The following PDXDC1 variants were observed in gnomAD, a reference collection of about 807,000 sequenced individuals.
PDXDC1 encodes the protein pyridoxal-dependent decarboxylase domain-containing protein 1.
A neutral mutation model predicts 100.1 loss-of-function variants in PDXDC1; 42 were observed. The observed-to-expected ratio is 0.42, with a 90% CI of 0.33 to 0.54. PDXDC1 has a LOEUF of 0.54. Ranked by LOEUF, PDXDC1 falls within the 20% of genes least tolerant of loss-of-function variation. The pLI is 0.10. For missense variants in PDXDC1, 636 were observed against 979.2 expected (o/e 0.65, Z 4.68); for synonymous variants, 260 against 371.7 (o/e 0.70, Z 3.46).
the PDXDC1 span, among the ~76,000 whole-genome samples, chr16:15,146,435 G>T: frequency 1.3e-5 from 2 of 152,154 alleles, no homozygotes; most frequent in East Asian, 3.8e-4. Flanking sequence ...AACAAAAGGA[G>T]TGAGGACGAT....
chr16:15,050,222 ACT>A (rs1313632500), intron 16 of PDXDC1, among the ~76,000 whole-genome samples: 1 of 152,242 alleles, frequency 6.6e-6, no homozygotes, highest in Non-Finnish European at 1.5e-5. Context: ...TTTAACAAAA[ACT>A]TTTTCAAAAT....
At position 15,110,949 on chromosome 16, in the gene PDXDC1, T is replaced by C. The variant is rs1396629011; in HGVS notation, c.1400-27930T>C. On this transcript the variant is annotated intron_variant, in intron 16 of 16. Coordinates refer to the PDXDC1 transcript ENST00000535621. ...TTCAAGACCAGCCTGGCCAAGATGG[T>C]GAAACCCCATCTCTACTAAAAATAC... 7.0e-6 allele frequency: 5 copies of C among 714,786 alleles called. No homozygotes were observed. The African/African-American group carries it at 9.2e-5, about 13-fold the overall frequency. 44.3% of individuals were successfully genotyped at this position (714,786 alleles called of 1,614,324 possible).
intron 16 of PDXDC1, chr16:15,047,366 A>G: frequency 1.0e-6 from 1 of 963,954 alleles, no homozygotes; most frequent in Non-Finnish European, 1.7e-6. Flanking sequence ...TGTTCCCCTA[A>G]CAGCTTCCAC....
the PDXDC1 span, among the ~76,000 whole-genome samples, chr16:15,152,717 A>AGGCAGG: frequency 1.9e-4 from 5 of 26,298 alleles, 1 homozygote; most frequent in African/African-American, 2.2e-4. Context: ...GGACAACACA[A>AGGCAGG]GGCAGGGGCG....
Position 15,036,302 on chromosome 16 carries a change from CTGAG to C in PDXDC1, c.*29_*32del. 1 of 1,582,398 alleles carries C rather than the reference CTGAG, an allele frequency of 6.3e-7. No individual in the cohort carries two copies. On this transcript the variant is annotated 3_prime_UTR_variant, in exon 23 of 23. Transcript: ENST00000396410. The stretch of plus-strand genomic sequence containing the variant: ...ACTCATTGTGTGGTTTGAGACTGTA[CTGAG>C]TATTGTTTCAGGGAAGATGAAGTTC...
chr16:15,098,496 T>A (rs1331342966), intron 16 of PDXDC1, among the ~76,000 whole-genome samples: 1 of 152,102 alleles, frequency 6.6e-6, no homozygotes, highest in Non-Finnish European at 1.5e-5. Flanking sequence ...CCATCGTGTC[T>A]GGCTACTATT....
chr16:15,110,971 A>C (rs1326675405), intron 16 of PDXDC1: 18 of 662,240 alleles, frequency 2.7e-5, no homozygotes, highest in Middle Eastern at 8.3e-4. Flanking sequence ...TCTACTAAAA[A>C]TACAAAAATT....
chr16:15,100,530 G>C (rs1376994704), intron 16 of PDXDC1, among the ~76,000 whole-genome samples: 1 of 152,186 alleles, frequency 6.6e-6, no homozygotes, highest in Non-Finnish European at 1.5e-5. Context: ...GGAGGAGGCT[G>C]TTCTGTGAAC....
Position 15,125,575 on chromosome 16 carries a change from T to A in PDXDC1, c.1400-13304T>A, listed in dbSNP as rs1418188868. The A allele has an allele frequency of 6.6e-6, 10 of 1,521,388 alleles. No homozygotes were observed. The Admixed American group carries it at 1.5e-4, about 23-fold the overall frequency. 94.2% of individuals were successfully genotyped at this position (1,521,388 alleles called of 1,614,324 possible). ...CCTCTTAGAATCATCCAGAAACAAGTCACTCTTCACCTGTCCAGCAAAGGC... is the reference window on the plus strand; with the variant it reads ...CCTCTTAGAATCATCCAGAAACAAGACACTCTTCACCTGTCCAGCAAAGGC... On this transcript the variant is annotated intron_variant, in intron 16 of 16. Coordinates refer to the PDXDC1 transcript ENST00000535621.
At position 15,131,526 on chromosome 16, in the gene PDXDC1, G is replaced by A. The variant is rs9939643; in HGVS notation, c.1400-7353G>A. On this transcript the variant is annotated intron_variant, in intron 16 of 16. Transcript: ENST00000535621. ...GGTCCGAGCGCTTGCCCTGGGCCAC[G>A]ATCTCCTCGCCCGCCAGTGTCAGGG... 69 of 1,608,884 alleles carry A rather than the reference G, an allele frequency of 4.3e-5. 1 individual carries two copies. Among genetic ancestry groups the A allele is most frequent in the Non-Finnish European group, 5.4e-5 (64 of 1,179,066 alleles).
chr16:15,143,010 G>A (rs547679314), downstream of PDXDC1, among the ~76,000 whole-genome samples: 1 of 152,288 alleles, frequency 6.6e-6, no homozygotes, highest in South Asian at 2.1e-4. Context: ...CAGGTGCACA[G>A]GGACAGCCTG....
At chr16:15,104,794 T>C (rs1598091908) in intron 16 of PDXDC1, 18 of 1,565,378 alleles carry the variant, frequency 1.1e-5, no homozygotes, top group Non-Finnish European at 1.4e-5. Flanking sequence ...TTCACACATA[T>C]TCATTTGATG....
intron 1 of PDXDC1, among the ~76,000 whole-genome samples, chr16:14,983,572 CAAAAAAAAAAAA>C (rs56258905): frequency 8.5e-3 from 753 of 88,444 alleles, no homozygotes; most frequent in Non-Finnish European, 0.011. Context: ...GACTCCGTCT[CAAAAAAAAAAAA>C]AAAAAAAAAA....
chr16:15,063,704 CAAAAAAAA>C (rs10664930), intron 16 of PDXDC1, among the ~76,000 whole-genome samples: 1 of 89,130 alleles, frequency 1.1e-5, no homozygotes. Context: ...GACTCTGTCT[CAAAAAAAA>C]AAAAAAAAAA....
At chr16:15,053,681 C>A (rs1220572538) in intron 16 of PDXDC1, among the ~76,000 whole-genome samples, 1 of 151,994 alleles carries the variant, frequency 6.6e-6, no homozygotes, top group Non-Finnish European at 1.5e-5. Context: ...GAGGCCGAGA[C>A]GGGCAGATCA....
intron 16 of PDXDC1, among the ~76,000 whole-genome samples, chr16:15,081,007 A>G (rs2151802224): frequency 6.6e-6 from 1 of 152,304 alleles, no homozygotes; most frequent in African/African-American, 2.4e-5. Flanking sequence ...GGAGTCATAT[A>G]ATACACAGTC....
intron 16 of PDXDC1, among the ~76,000 whole-genome samples, chr16:15,102,072 G>T (rs555473076): frequency 1.3e-4 from 20 of 152,222 alleles, no homozygotes; most frequent in African/African-American, 2.6e-4. Flanking sequence ...GCTCTTGAAC[G>T]CCTGACCTTG....
At chr16:15,092,936 G>C (rs2151830216) in intron 16 of PDXDC1, among the ~76,000 whole-genome samples, 1 of 152,052 alleles carries the variant, frequency 6.6e-6, no homozygotes, top group South Asian at 2.1e-4. Flanking sequence ...CTTCAAACAA[G>C]CCAAGCTGTT....
At chr16:15,044,552 G>C (rs779944397) in intron 16 of PDXDC1, 23 of 654,190 alleles carry the variant, frequency 3.5e-5, no homozygotes, top group Non-Finnish European at 6.0e-5. Context: ...GCAAAAGAAA[G>C]TATCGGCAGC....
Sources: gnomAD v4.1 joint callset for allele counts (sites outside exome capture counted in the v4.1 genomes callset) on GRCh38, gnomAD v4.1.1 for gene constraint, MANE v1.5 for transcripts, NCBI Gene and HGNC (gene_info 2026-07-23, HGNC 2026-07-21) for gene names.